SOX5: variants seen among roughly 807,000 people sequenced by gnomAD.
SOX5 encodes the protein transcription factor SOX-5.
SOX5 carries 9 observed loss-of-function variants against 92.0 expected under a neutral mutation model. The ratio of observed to expected loss-of-function variants is 0.10; its 90% confidence interval spans 0.06 to 0.17. The LOEUF is 0.17. Among genes scored for constraint, SOX5 ranks in the 10% least tolerant of loss-of-function variants. The pLI, the probability that SOX5 is intolerant of heterozygous loss-of-function variation, is 1.00. For missense variants in SOX5, 642 were observed against 944.5 expected, an observed-to-expected ratio of 0.68 and a Z score of 4.20; for synonymous variants, 344 against 336.3, an observed-to-expected ratio of 1.02 and a Z score of -0.25.
chr12:23,695,610 ATACT>A lies in SOX5; in HGVS notation c.811-30050_811-30047del, dbSNP rs2089673210. Reference sequence around the variant, plus strand: ...ATTTTATTAATCTAGTCAATTAGCTATACTTACTTTTGGATGATACAGCAACCAT... The same window carrying A: ...ATTTTATTAATCTAGTCAATTAGCTATACTTTTGGATGATACAGCAACCAT... On this transcript the variant is annotated intron_variant, in intron 6 of 14. Coordinates refer to ENST00000451604, the MANE Select transcript of SOX5 (RefSeq NM_006940.6). Among the ~76,000 whole-genome samples, 4 of 152,140 alleles carry A rather than the reference ATACT, an allele frequency of 2.6e-5. No homozygotes were observed. The South Asian group carries it at 8.3e-4, about 31-fold the overall frequency.
chr12:23,626,176 T>G (rs995473938), intron 8 of SOX5, among the ~76,000 whole-genome samples: 17 of 151,556 alleles, frequency 1.1e-4, no homozygotes, highest in African/African-American at 3.9e-4. Context: ...ATTTGGAAAT[T>G]CCTATTTTTA....
intron 11 of SOX5, among the ~76,000 whole-genome samples, chr12:23,551,031 AG>A (rs1253498385): frequency 8.5e-5 from 13 of 152,088 alleles, no homozygotes; most frequent in African/African-American, 3.1e-4. Flanking sequence ...ACAAAGAGAT[AG>A]GCTATGGATC....
intron 1 of SOX5, among the ~76,000 whole-genome samples, chr12:24,431,473 G>C (rs1219981270): frequency 2.0e-5 from 3 of 152,134 alleles, no homozygotes; most frequent in African/African-American, 7.2e-5. Flanking sequence ...CTATACCCAA[G>C]ATATCACTAC....
At chr12:23,669,749 T>C (rs1316197153) in intron 6 of SOX5, among the ~76,000 whole-genome samples, 1 of 152,180 alleles carries the variant, frequency 6.6e-6, no homozygotes, top group Non-Finnish European at 1.5e-5. Flanking sequence ...ACTCTACTTA[T>C]AGTGGCATCA....
intron 3 of SOX5, among the ~76,000 whole-genome samples, chr12:23,763,087 A>G (rs2094609407): frequency 6.6e-6 from 1 of 152,190 alleles, no homozygotes; most frequent in African/African-American, 2.4e-5. Flanking sequence ...ACTACCAAAT[A>G]TTTACAATGA....
At chr12:23,643,403 T>A (rs1300636454) in intron 7 of SOX5, among the ~76,000 whole-genome samples, 2 of 152,190 alleles carry the variant, frequency 1.3e-5, no homozygotes, top group Non-Finnish European at 2.9e-5. Flanking sequence ...GAAATTATGA[T>A]TAGATATCCA....
intron 4 of SOX5, among the ~76,000 whole-genome samples, chr12:24,187,755 A>T (rs960613342): frequency 6.6e-6 from 1 of 152,038 alleles, no homozygotes; most frequent in Admixed American, 6.6e-5. Flanking sequence ...GGAGTCTAGC[A>T]TTGTCTTTCT....
chr12:24,152,501 C>T (rs1214300772), intron 4 of SOX5, among the ~76,000 whole-genome samples: 2 of 152,098 alleles, frequency 1.3e-5, no homozygotes, highest in Non-Finnish European at 2.9e-5. Context: ...GGATTCCCCA[C>T]CTGTGAAATG....
At chr12:24,559,722 C>A (rs1237762012) in intron 1 of SOX5, among the ~76,000 whole-genome samples, 1 of 152,108 alleles carries the variant, frequency 6.6e-6, no homozygotes, top group Non-Finnish European at 1.5e-5. Context: ...GACAACATAC[C>A]TGAGTATAAA....
At chr12:23,963,409 A>G (rs1053375333) in intron 4 of SOX5, among the ~76,000 whole-genome samples, 4 of 152,210 alleles carry the variant, frequency 2.6e-5, no homozygotes, top group Admixed American at 6.5e-5. Context: ...CCAGTCAAAT[A>G]CATATAATCA....
chr12:23,563,236 G>T, intron 11 of SOX5, 22 bp downstream of exon 11: 1 of 1,572,826 alleles, frequency 6.4e-7, no homozygotes, highest in South Asian at 1.2e-5. Flanking sequence ...TTTCTAGAAA[G>T]TAAGTTATTT....
intron 4 of SOX5, among the ~76,000 whole-genome samples, chr12:24,141,303 A>T (rs1950561130): frequency 6.6e-6 from 1 of 152,168 alleles, no homozygotes; most frequent in Admixed American, 6.5e-5. Context: ...AGTGTTATTA[A>T]ATGAAGGAAA....
At chr12:23,892,272 G>A (rs2097136579) in intron 2 of SOX5, among the ~76,000 whole-genome samples, 1 of 152,044 alleles carries the variant, frequency 6.6e-6, no homozygotes, top group Non-Finnish European at 1.5e-5. Flanking sequence ...AATTCACCAG[G>A]AAGGTAACAT....
chr12:24,268,752 C>G (rs1448008266), intron 3 of SOX5, among the ~76,000 whole-genome samples: 1 of 152,062 alleles, frequency 6.6e-6, no homozygotes, highest in African/African-American at 2.4e-5. Context: ...AAGTAATAAC[C>G]AGGATTTTTA....
chr12:24,065,586 G>T (rs1173925959), intron 4 of SOX5, among the ~76,000 whole-genome samples: 1 of 144,490 alleles, frequency 6.9e-6, no homozygotes, highest in Admixed American at 7.1e-5. Flanking sequence ...GGCAGAGGTT[G>T]CAGTGAGCTG....
chr12:23,846,280 A>G, intron 2 of SOX5, 87 bp from the exon 3 acceptor site: 1 of 1,026,196 alleles, frequency 9.7e-7, no homozygotes, highest in Non-Finnish European at 1.5e-6. Flanking sequence ...AAGAGAAAGC[A>G]AAAGGACAAA....
chr12:23,769,905 AC>A (rs1245204346), intron 3 of SOX5, among the ~76,000 whole-genome samples: 2 of 152,102 alleles, frequency 1.3e-5, no homozygotes, highest in Non-Finnish European at 2.9e-5. Context: ...TTTTTATAAT[AC>A]CACCTTCTTA....
intron 3 of SOX5, among the ~76,000 whole-genome samples, chr12:24,236,909 C>CAA (rs63258566): frequency 1.7e-4 from 24 of 141,646 alleles, no homozygotes; most frequent in African/African-American, 5.8e-4. Flanking sequence ...ATCCACAACT[C>CAA]AAAAAAAAAA....
chr12:24,008,364 G>T (rs540338799), intron 4 of SOX5, among the ~76,000 whole-genome samples: 6 of 152,142 alleles, frequency 3.9e-5, no homozygotes, highest in African/African-American at 1.4e-4. Flanking sequence ...TTTCTGCAAC[G>T]CTGGAAATAT....
Sources: allele counts gnomAD v4.1 joint callset (sites outside exome capture counted in the v4.1 genomes callset), GRCh38; gene constraint gnomAD v4.1.1; transcripts MANE v1.5; gene names NCBI Gene and HGNC (gene_info 2026-07-23, HGNC 2026-07-21).